The following PXDNL variants were observed in gnomAD, a reference collection of about 807,000 sequenced individuals.
PXDNL encodes the protein peroxidasin like.
In PXDNL, 145 loss-of-function variants were observed where a neutral mutation model predicts 150.8. The observed-to-expected ratio is 0.96, with a 90% confidence interval of 0.84 to 1.10. PXDNL has a LOEUF of 1.10. Among genes scored for constraint, PXDNL ranks in the 50% least tolerant of loss-of-function variants. The probability of loss-of-function intolerance (pLI) is 0.00; values close to 1 mark genes in which losing one functional copy is unlikely to be tolerated. For missense variants in PXDNL, 2,087 were observed against 1,873.9 expected (o/e 1.11, Z -2.10); for synonymous variants, 757 against 725.7 (o/e 1.04, Z -0.69).
rs184579452 is a variant in PXDNL, at chr8:51,335,197, C to A, written c.4146+4427G>T. Among the ~76,000 whole-genome samples the A allele has an allele frequency of 1.1e-4, 16 of 152,162 alleles. 1 individual carries two copies. In the East Asian group the frequency reaches 2.9e-3, roughly 28 times the overall value. ...GTGATCTCCATATCTCTGTTTATAT[C>A]AGTTTGTTTATTTGTTTTATGTAAT... is the stretch of plus-strand genomic sequence containing the variant. On this transcript the variant is annotated intron_variant, in intron 21 of 22. Coordinates refer to ENST00000356297, the MANE Select transcript of PXDNL (RefSeq NM_144651.5).
intron 16 of PXDNL, among the ~76,000 whole-genome samples, chr8:51,409,816 G>A (rs958372140): frequency 6.6e-6 from 1 of 152,024 alleles, no homozygotes; most frequent in Admixed American, 6.5e-5. Context: ...CTGCTAGAAG[G>A]AGCAAAATGG....
intron 2 of PXDNL, among the ~76,000 whole-genome samples, chr8:51,651,145 A>T (rs1236543336): frequency 6.6e-6 from 1 of 152,250 alleles, no homozygotes; most frequent in African/African-American, 2.4e-5. Flanking sequence ...ATATTAATAC[A>T]TACATTAACT....
intron 1 of PXDNL, among the ~76,000 whole-genome samples, chr8:51,660,075 A>G (rs1323541244): frequency 4.6e-5 from 7 of 151,958 alleles, no homozygotes; most frequent in Non-Finnish European, 1.0e-4. Flanking sequence ...CTTTTAGTAG[A>G]GACAGGGTTT....
chr8:51,700,619 C>A (rs903254667), intron 1 of PXDNL, among the ~76,000 whole-genome samples: 2 of 151,882 alleles, frequency 1.3e-5, no homozygotes, highest in African/African-American at 4.8e-5. Flanking sequence ...AATACATGTG[C>A]ACACACATAC....
intron 2 of PXDNL, among the ~76,000 whole-genome samples, chr8:51,601,048 ATATAT>A (rs1019566420): frequency 2.7e-5 from 4 of 147,654 alleles, no homozygotes; most frequent in African/African-American, 4.9e-5. Context: ...TATCTTATAA[ATATAT>A]TATATCTTAT....
chr8:51,370,986 T>G (rs891475120), intron 19 of PXDNL, among the ~76,000 whole-genome samples: 1 of 152,208 alleles, frequency 6.6e-6, no homozygotes, highest in Admixed American at 6.5e-5. Flanking sequence ...AATGATCATT[T>G]CAGTCCCAGA....
At chr8:51,629,305 A>G (rs569667585) in intron 2 of PXDNL, among the ~76,000 whole-genome samples, 5 of 152,324 alleles carry the variant, frequency 3.3e-5, no homozygotes, top group Admixed American at 1.3e-4. Context: ...TCAACAGCAC[A>G]TTTGAGAAGG....
At chr8:51,481,861 G>C (rs1000035727) in intron 6 of PXDNL, among the ~76,000 whole-genome samples, 1 of 152,218 alleles carries the variant, frequency 6.6e-6, no homozygotes, top group Non-Finnish European at 1.5e-5. Context: ...AGAATGTATA[G>C]AAATGCCTGA....
intron 2 of PXDNL, among the ~76,000 whole-genome samples, chr8:51,616,104 T>G (rs367951032): frequency 6.6e-6 from 1 of 152,218 alleles, no homozygotes; most frequent in African/African-American, 2.4e-5. Context: ...ATGCCTGAGA[T>G]GGACTAGCCT....
chr8:51,505,808 C>T (rs1811273135), intron 4 of PXDNL, among the ~76,000 whole-genome samples: 3 of 152,214 alleles, frequency 2.0e-5, no homozygotes, highest in Admixed American at 6.5e-5. Flanking sequence ...GGAGATCCAC[C>T]ATGTCCTGCC....
chr8:51,576,940 C>T (rs1199242898), intron 3 of PXDNL, among the ~76,000 whole-genome samples: 1 of 151,878 alleles, frequency 6.6e-6, no homozygotes, highest in Non-Finnish European at 1.5e-5. Flanking sequence ...ACTATCAGTT[C>T]ACTCAGTGTG....
At chr8:51,559,130 T>C (rs1005901787) in intron 3 of PXDNL, among the ~76,000 whole-genome samples, 2 of 151,990 alleles carry the variant, frequency 1.3e-5, no homozygotes, top group South Asian at 4.2e-4. Flanking sequence ...CCTAAAAGGA[T>C]ATCTCAAATG....
Position 51,453,757 on chromosome 8 carries a change from C to T in PXDNL, c.1011G>A (p.Gln337=), listed in dbSNP as rs200985188. Residue 337 remains glutamine (Q), a synonymous_variant, in exon 10 of 23, where the codon CAG becomes CAA. Transcript: ENST00000356297. ...PAKPSFVIQP[Q]DTEVLIGTST... is the part of the protein sequence containing the mutation. ...TGGTGCCAATTAAAACCTCTGTGTC[C>T]TGAGGCTGGATTACAAAGCTTGGTT... 1.2e-4 allele frequency: 193 copies of T among 1,613,976 alleles called. No homozygotes were observed. The highest frequency in any genetic ancestry group is 2.0e-4 in the East Asian group (9 of 44,894).
At chr8:51,664,739 AG>A (rs1815345731) in intron 1 of PXDNL, among the ~76,000 whole-genome samples, 1 of 152,050 alleles carries the variant, frequency 6.6e-6, no homozygotes, top group Non-Finnish European at 1.5e-5. Context: ...GGGACTTGGC[AG>A]GAGTGAGATG....
intron 17 of PXDNL, among the ~76,000 whole-genome samples, chr8:51,400,779 A>G (rs928344018): frequency 1.3e-5 from 2 of 152,190 alleles, no homozygotes; most frequent in Admixed American, 6.5e-5. Flanking sequence ...TCTCTGTTGT[A>G]ACTTCTCATT....
intron 8 of PXDNL, among the ~76,000 whole-genome samples, chr8:51,464,050 C>T (rs904733970): frequency 1.3e-5 from 2 of 151,230 alleles, no homozygotes; most frequent in Non-Finnish European, 2.9e-5. Context: ...AATAAACTAA[C>T]CCAAAAGTGA....
intron 21 of PXDNL, among the ~76,000 whole-genome samples, chr8:51,322,768 T>C (rs1308789928): frequency 6.6e-6 from 1 of 152,232 alleles, no homozygotes; most frequent in African/African-American, 2.4e-5. Flanking sequence ...TTTGATTCTG[T>C]AAATTCTTTT....
At chr8:51,595,025 A>G (rs1585606080) in intron 2 of PXDNL, among the ~76,000 whole-genome samples, 1 of 152,312 alleles carries the variant, frequency 6.6e-6, no homozygotes, top group East Asian at 1.9e-4. Flanking sequence ...AGAAGCGAAC[A>G]AAACAAAACA....
At chr8:51,483,300 T>C (rs535269372) in intron 6 of PXDNL, among the ~76,000 whole-genome samples, 54 of 152,322 alleles carry the variant, frequency 3.5e-4, no homozygotes, top group African/African-American at 1.3e-3. Flanking sequence ...GAGTCAGACT[T>C]TCTTTGGAAC....
Sources: gnomAD v4.1 joint callset for allele counts (sites outside exome capture counted in the v4.1 genomes callset) on GRCh38, gnomAD v4.1.1 for gene constraint, MANE v1.5 for transcripts, NCBI Gene and HGNC (gene_info 2026-07-23, HGNC 2026-07-21) for gene names.